The following OSBPL10 variants were observed in gnomAD, a reference collection of about 807,000 sequenced individuals.
OSBPL10 encodes oxysterol-binding protein-related protein 10.
A neutral mutation model predicts 81.7 loss-of-function variants in OSBPL10; 49 were observed. The observed-to-expected ratio is 0.60, with a 90% CI of 0.48 to 0.76. The LOEUF is 0.76. Ranked by LOEUF, OSBPL10 falls within the 30% of genes least tolerant of loss-of-function variation. OSBPL10 has a pLI of 0.00. For missense variants in OSBPL10, 923 were observed against 987.8 expected (o/e 0.93, Z 0.88); for synonymous variants, 419 against 383.6 (o/e 1.09, Z -1.08).
At chr3:31,934,088 A>C (rs1004440378) in intron 1 of OSBPL10, among the ~76,000 whole-genome samples, 6 of 151,350 alleles carry the variant, frequency 4.0e-5, no homozygotes, top group East Asian at 1.9e-4. Flanking sequence ...AAAAAAAAAA[A>C]ACAAAAAAAA....
rs1352568290 is a variant in OSBPL10 at position 32,064,304 on chromosome 3, C to G, written n.185+13092G>C. 6.4e-5 allele frequency: 6 copies of G among 93,822 alleles called. 2 individuals carry two copies. Among genetic ancestry groups the G allele is most frequent in the African/African-American group, 1.7e-4 (6 of 36,346 alleles). 5.8% of individuals were successfully genotyped at this position (93,822 alleles called of 1,614,324 possible). ...ATACCAGATATGTGCTATTTGAAAA[C>G]TATTTCATTATCTTTATCATCATCA... is the stretch of plus-strand genomic sequence containing the variant. On this transcript the variant is annotated intron_variant and non_coding_transcript_variant, in intron 1 of 3. Transcript: ENST00000479173.
At chr3:31,895,370 C>G (rs1696025078) in intron 1 of OSBPL10, among the ~76,000 whole-genome samples, 1 of 151,742 alleles carries the variant, frequency 6.6e-6, no homozygotes, top group Non-Finnish European at 1.5e-5. Flanking sequence ...ATCTCCTGAC[C>G]TCATGATCTG....
chr3:31,787,216 T>A (rs1046987649), intron 4 of OSBPL10, among the ~76,000 whole-genome samples: 1 of 152,220 alleles, frequency 6.6e-6, no homozygotes, highest in Non-Finnish European at 1.5e-5. Flanking sequence ...TTCATTCTTT[T>A]AAAGTCCTAA....
At chr3:32,001,097 G>A (rs537944655) in intron 2 of OSBPL10, among the ~76,000 whole-genome samples, 4 of 152,266 alleles carry the variant, frequency 2.6e-5, no homozygotes, top group South Asian at 4.1e-4. Flanking sequence ...ATCTAGGGGC[G>A]CTGTTGTCTG....
chr3:31,685,103 G>A (rs991263195), intron 7 of OSBPL10, among the ~76,000 whole-genome samples: 11 of 152,264 alleles, frequency 7.2e-5, no homozygotes, highest in South Asian at 6.2e-4. Flanking sequence ...TCTGAAACTG[G>A]GAAGCCCATA....
rs547115933 is a variant in OSBPL10 at position 31,663,114 on chromosome 3, C to T, written c.2250+965G>A. Reference sequence around the variant, plus strand: ...GTTGCCCTAACTCACTTCTCAGCCTCGTATATAGACAGAATAATCCCTCTT... The same window carrying T: ...GTTGCCCTAACTCACTTCTCAGCCTTGTATATAGACAGAATAATCCCTCTT... On this transcript the variant is annotated intron_variant, in intron 11 of 11. Transcript: ENST00000396556. 502 of 985,390 alleles carry T rather than the reference C, an allele frequency of 5.1e-4. 10 individuals are homozygous for T. In the South Asian group the frequency reaches 0.021, roughly 40 times the overall value. The allele number at this position is 985,390 out of a possible 1,614,324, so 61.0% of individuals were successfully genotyped here.
At chr3:31,862,817 A>T (rs1426110399) in intron 3 of OSBPL10, among the ~76,000 whole-genome samples, 1 of 152,208 alleles carries the variant, frequency 6.6e-6, no homozygotes, top group Non-Finnish European at 1.5e-5. Flanking sequence ...CATTGCTGAT[A>T]GGGATGTAAA....
chr3:31,987,243 T>C (rs1043990875), intron 2 of OSBPL10, among the ~76,000 whole-genome samples: 1 of 152,158 alleles, frequency 6.6e-6, no homozygotes, highest in African/African-American at 2.4e-5. Flanking sequence ...ACTTTCTAAT[T>C]TACCTTGTTC....
chr3:31,942,367 C>A (rs1364975338), intron 1 of OSBPL10, among the ~76,000 whole-genome samples: 1 of 136,578 alleles, frequency 7.3e-6, no homozygotes, highest in Non-Finnish European at 1.7e-5. Flanking sequence ...CATGGTGAAA[C>A]CCTGTCTCTA....
rs185184073 is a variant in OSBPL10 at position 31,704,715 on chromosome 3, A to G, written c.1096-2207T>C. Reference sequence around the variant, plus strand: ...CATTCTTCTAAAGCTGTGATTTCCTATTTGCTCACAAGCCATTGCAGGGGA... The same window carrying G: ...CATTCTTCTAAAGCTGTGATTTCCTGTTTGCTCACAAGCCATTGCAGGGGA... On this transcript the variant is annotated intron_variant, in intron 6 of 11. Coordinates refer to ENST00000396556, the MANE Select transcript of OSBPL10 (RefSeq NM_017784.5). The G allele has an allele frequency of 7.9e-5, 12 of 152,094 alleles. No individual in the cohort carries two copies. The East Asian group carries it at 2.3e-3, about 30-fold the overall frequency. 9.4% of individuals were successfully genotyped at this position (152,094 alleles called of 1,614,324 possible).
intron 1 of OSBPL10, among the ~76,000 whole-genome samples, chr3:31,935,218 G>A (rs1304196547): frequency 2.0e-5 from 3 of 152,180 alleles, no homozygotes; most frequent in African/African-American, 7.2e-5. Context: ...CTGGGGAGAT[G>A]AGAATTTTTA....
In OSBPL10 at chr3:31,702,510, T is replaced by C; in HGVS notation, c.1096-2A>G. On this transcript the variant is annotated splice_acceptor_variant, in intron 6 of 11. Transcript: ENST00000396556. LOFTEE classifies it high-confidence loss of function. ...AACCAATTCAGAGCCTGAGTTTGGC[T>C]AAAATGAAATAATCAATAAAAATCA... 6.2e-7 allele frequency: 1 copy of C among 1,614,004 alleles called. No individual in the cohort carries two copies. Among genetic ancestry groups the C allele is most frequent in the Non-Finnish European group, 8.5e-7 (1 of 1,179,996 alleles).
intron 4 of OSBPL10, chr3:31,797,814 A>G: frequency 2.2e-6 from 1 of 456,486 alleles, no homozygotes; most frequent in South Asian, 1.5e-5. Flanking sequence ...GTGACCTCAC[A>G]CATGTTGTTG....
intron 2 of OSBPL10, chr3:31,989,642 C>T (rs775996535): frequency 1.9e-6 from 3 of 1,614,066 alleles, no homozygotes; most frequent in Admixed American, 3.3e-5. Context: ...GATGCTTCCT[C>T]AGTTCTAACG....
chr3:31,698,437 C>T (rs576138044), intron 7 of OSBPL10, among the ~76,000 whole-genome samples: 85 of 151,904 alleles, frequency 5.6e-4, no homozygotes, highest in African/African-American at 1.9e-3. Context: ...GGTGATAGAG[C>T]GAGACTCCAT....
chr3:31,735,967 G>C (rs1007849813), intron 5 of OSBPL10, among the ~76,000 whole-genome samples: 12 of 152,176 alleles, frequency 7.9e-5, no homozygotes, highest in African/African-American at 2.9e-4. Context: ...ATTTAGCAAA[G>C]AGTGTACGCT....
At chr3:32,027,037 T>C (rs1699422294) in intron 2 of OSBPL10, among the ~76,000 whole-genome samples, 1 of 152,184 alleles carries the variant, frequency 6.6e-6, no homozygotes, top group Non-Finnish European at 1.5e-5. Context: ...TTTTCTTTTT[T>C]TTATTATTAT....
At position 31,769,468 on chromosome 3, in the gene OSBPL10, A is replaced by AC. The variant is rs1353190045; in HGVS notation, c.730-21349_730-21348insG. 9.2e-5 allele frequency among the ~76,000 whole-genome samples: 9 copies of AC among 97,570 alleles called. 2 individuals carry two copies. Among genetic ancestry groups the AC allele is most frequent in the East Asian group, 7.9e-4 (2 of 2,516 alleles). The allele number at this position is 97,570 out of a possible 152,430, so 64.0% of individuals were successfully genotyped here. A position where few individuals can be genotyped will look rare whatever the true frequency, so the allele number is the denominator to read the frequency against. ...CTCAAAAAAAAAAAAACAAAAAAAA[A>AC]ACAAAAAAAAACAGAATAAAAATAT... On this transcript the variant is annotated intron_variant, in intron 4 of 11. Coordinates refer to ENST00000396556, the MANE Select transcript of OSBPL10 (RefSeq NM_017784.5).
intron 4 of OSBPL10, among the ~76,000 whole-genome samples, chr3:31,790,789 C>T (rs1416761736): frequency 6.6e-6 from 1 of 152,234 alleles, no homozygotes; most frequent in South Asian, 2.1e-4. Flanking sequence ...GCAATCTACA[C>T]AACACTCTTG....
Sources: allele counts gnomAD v4.1 joint callset (sites outside exome capture counted in the v4.1 genomes callset), GRCh38; gene constraint gnomAD v4.1.1; transcripts MANE v1.5; gene names NCBI Gene and HGNC (gene_info 2026-07-23, HGNC 2026-07-21).